The following TBL1XR1 variants were observed in gnomAD, a reference collection of about 807,000 sequenced individuals.
TBL1XR1 encodes the protein F-box-like/WD repeat-containing protein TBL1XR1.
A neutral mutation model predicts 66.9 loss-of-function variants in TBL1XR1; 5 were observed. The observed-to-expected ratio is 0.07, with a 90% CI of 0.04 to 0.16. TBL1XR1 has a LOEUF of 0.16. Ranked by LOEUF, TBL1XR1 falls within the 10% of genes least tolerant of loss-of-function variation. The pLI is 1.00. For synonymous variants in TBL1XR1, 210 were observed against 206.0 expected, an observed-to-expected ratio of 1.02 and a Z score of -0.17; for missense variants, 238 against 623.2, an observed-to-expected ratio of 0.38 and a Z score of 6.58.
chr3:177,033,247 G>A, intron 13 of TBL1XR1, 111 bp from the exon 14 acceptor site: 4 of 857,458 alleles, frequency 4.7e-6, no homozygotes, highest in Non-Finnish European at 5.0e-6. Context: ...AATTCTTTAT[G>A]AGAAGCAGAC....
chr3:177,065,650 C>T (rs747396272), intron 2 of TBL1XR1, among the ~76,000 whole-genome samples: 3 of 152,312 alleles, frequency 2.0e-5, no homozygotes, highest in Non-Finnish European at 4.4e-5. Context: ...AAAAAGAAAA[C>T]TGAGGCATGA....
intron 1 of TBL1XR1, among the ~76,000 whole-genome samples, chr3:177,188,469 C>T (rs575887323): frequency 2.7e-4 from 41 of 152,132 alleles, no homozygotes; most frequent in Non-Finnish European, 4.6e-4. Flanking sequence ...ACTGCTTGAA[C>T]CTGGGAGGTG....
intron 1 of TBL1XR1, among the ~76,000 whole-genome samples, chr3:177,162,598 A>G (rs532204227): frequency 1.3e-5 from 2 of 152,350 alleles, no homozygotes; most frequent in Admixed American, 6.5e-5. Flanking sequence ...TTACATGGTC[A>G]GTTTTACATG....
intron 2 of TBL1XR1, among the ~76,000 whole-genome samples, chr3:177,069,460 A>G (rs769736573): frequency 2.0e-5 from 3 of 152,138 alleles, no homozygotes; most frequent in Non-Finnish European, 4.4e-5. Flanking sequence ...CCAGCTGGGC[A>G]TGGTGGCTTA....
intron 2 of TBL1XR1, chr3:177,091,044 G>A (rs1722773387): frequency 6.6e-6 from 1 of 150,924 alleles, no homozygotes; most frequent in Non-Finnish European, 1.5e-5. Flanking sequence ...GAAGAAAAGG[G>A]AAATGGGAGC....
rs188920723 is a variant in TBL1XR1 at position 177,029,053 on chromosome 3, C to T, written c.1417-2579G>A. 1.1e-4 allele frequency among the ~76,000 whole-genome samples: 17 copies of T among 150,852 alleles called. 1 individual carries two copies. Among genetic ancestry groups the T allele is most frequent in the Admixed American group, 4.0e-4 (6 of 15,160 alleles). ...AAAAAATAAATGTAAAGGAATAAAACTTAGATACTTCATGAAAAAATATCA... is the reference window on the plus strand; with the variant it reads ...AAAAAATAAATGTAAAGGAATAAAATTTAGATACTTCATGAAAAAATATCA... On this transcript the variant is annotated intron_variant, in intron 14 of 15. Transcript: ENST00000457928.
At chr3:177,071,643 GGCAATAAATGCTC>G (rs1720030374) in intron 2 of TBL1XR1, among the ~76,000 whole-genome samples, 1 of 152,028 alleles carries the variant, frequency 6.6e-6, no homozygotes, top group South Asian at 2.1e-4. Context: ...TCCCCCACAG[GGCAATAAATGCTC>G]GCTCAAATCG....
At chr3:177,071,042 T>TC (rs1719929449) in intron 2 of TBL1XR1, among the ~76,000 whole-genome samples, 4 of 146,178 alleles carry the variant, frequency 2.7e-5, no homozygotes, top group Admixed American at 2.7e-4. Context: ...TTTTTTTTTT[T>TC]TTTTTTGAGA....
At chr3:177,053,003 G>A (rs1197462861) in intron 4 of TBL1XR1, among the ~76,000 whole-genome samples, 3 of 152,208 alleles carry the variant, frequency 2.0e-5, no homozygotes, top group Admixed American at 6.5e-5. Flanking sequence ...TAAGGAGGCA[G>A]AGGCAGGACA....
chr3:177,048,683 A>G (rs1038426143), intron 7 of TBL1XR1, among the ~76,000 whole-genome samples: 1 of 152,242 alleles, frequency 6.6e-6, no homozygotes, highest in Non-Finnish European at 1.5e-5. Context: ...AAAATACTGT[A>G]AAGATGAGAA....
Position 177,023,784 on chromosome 3 carries a change from A to C in TBL1XR1, c.*1714T>G, listed in dbSNP as rs1560088431. On this transcript the variant is annotated 3_prime_UTR_variant, in exon 16 of 16. Coordinates refer to ENST00000457928, the MANE Select transcript of TBL1XR1 (RefSeq NM_024665.7). Reference sequence around the variant, plus strand: ...CAGTTTCTACTTAGAACACAGGTTAAAATTTTAGTACTAAAAGGCCTCAAA... The same window carrying C: ...CAGTTTCTACTTAGAACACAGGTTACAATTTTAGTACTAAAAGGCCTCAAA... 6.6e-6 allele frequency: 1 copy of C among 152,496 alleles called. No individual in the cohort carries two copies. Among genetic ancestry groups the C allele is most frequent in the Admixed American group, 6.6e-5 (1 of 15,262 alleles). 9.4% of individuals were successfully genotyped at this position (152,496 alleles called of 1,614,324 possible). A position where few individuals can be genotyped will look rare whatever the true frequency, so the allele number is the denominator to read the frequency against.
At chr3:177,050,888 G>A (rs1269032571) in intron 5 of TBL1XR1, among the ~76,000 whole-genome samples, 8 of 151,966 alleles carry the variant, frequency 5.3e-5, no homozygotes, top group Admixed American at 6.6e-5. Flanking sequence ...TGGATAAAAC[G>A]ATAAAATGGT....
chr3:177,184,115 CACA>C (rs1735139616), intron 1 of TBL1XR1, among the ~76,000 whole-genome samples: 1 of 152,162 alleles, frequency 6.6e-6, no homozygotes, highest in African/African-American at 2.4e-5. Context: ...TGAAAATGAG[CACA>C]ACTAGAAGGC....
intron 1 of TBL1XR1, among the ~76,000 whole-genome samples, chr3:177,182,758 G>A (rs549551085): frequency 3.3e-5 from 5 of 152,260 alleles, no homozygotes; most frequent in African/African-American, 9.6e-5. Context: ...AGACTGTCAC[G>A]GAAAGAAGCC....
chr3:177,132,887 T>A (rs1728471617), intron 1 of TBL1XR1, among the ~76,000 whole-genome samples: 1 of 152,242 alleles, frequency 6.6e-6, no homozygotes. Context: ...CTGTTCTTGA[T>A]GCCTGTAACT....
At chr3:177,063,117 A>G (rs1392494877) in intron 3 of TBL1XR1, among the ~76,000 whole-genome samples, 1 of 152,156 alleles carries the variant, frequency 6.6e-6, no homozygotes, top group Non-Finnish European at 1.5e-5. Context: ...ACTCCGTCTC[A>G]AAAAACAAAC....
chr3:177,144,884 TATC>T (rs989150171), intron 1 of TBL1XR1, among the ~76,000 whole-genome samples: 27 of 152,370 alleles, frequency 1.8e-4, no homozygotes, highest in African/African-American at 4.1e-4. Context: ...CACAAAATAA[TATC>T]ATTCTTTTTT....
At chr3:177,104,332 A>G (rs996168538) in intron 1 of TBL1XR1, among the ~76,000 whole-genome samples, 2 of 152,062 alleles carry the variant, frequency 1.3e-5, no homozygotes, top group African/African-American at 4.8e-5. Context: ...TGTAAATCAG[A>G]GTTTCAACTG....
At chr3:177,059,452 G>A (rs1039994852) in intron 3 of TBL1XR1, among the ~76,000 whole-genome samples, 1 of 152,264 alleles carries the variant, frequency 6.6e-6, no homozygotes, top group South Asian at 2.1e-4. Context: ...CTGTGATCAC[G>A]TTTTCTAAAT....
Sources: allele counts gnomAD v4.1 joint callset (sites outside exome capture counted in the v4.1 genomes callset), GRCh38; gene constraint gnomAD v4.1.1; transcripts MANE v1.5; gene names NCBI Gene and HGNC (gene_info 2026-07-23, HGNC 2026-07-21).